Variants in CYCS observed in about 807,000 individuals in gnomAD.
CYCS encodes cytochrome c.
For synonymous variants in CYCS, 41 were observed against 43.0 expected (o/e 0.95, Z 0.18); for missense variants, 87 against 125.3 (o/e 0.69, Z 1.46).
At chr7:25,123,923 G>T in intron 2 of CYCS, 28 bp downstream of exon 2, 1 of 1,614,060 alleles carries the variant, frequency 6.2e-7, no homozygotes, top group Non-Finnish European at 8.5e-7. Flanking sequence ...TGCATTTTGT[G>T]TTGTTTTATT....
In CYCS at chr7:25,121,990, T is replaced by C. The variant is rs1009902400; in HGVS notation, c.*1711A>G. The C allele has an allele frequency of 4.6e-4, 52 of 112,600 alleles. No homozygotes were observed. Among genetic ancestry groups the C allele is most frequent in the African/African-American group, 2.2e-3 (51 of 22,692 alleles). 7.0% of individuals were successfully genotyped at this position (112,600 alleles called of 1,614,324 possible). On this transcript the variant is annotated 3_prime_UTR_variant, in exon 3 of 3. Coordinates refer to ENST00000305786, the MANE Select transcript of CYCS (RefSeq NM_018947.6). ...GGTTGAACACATTTCTGTATCTATC[T>C]TAATATGTTTCCTGTATCATTTCCA...
rs1017669707 is a variant in CYCS at position 25,122,902 on chromosome 7, G to A, written c.*799C>T. 13 of 152,136 alleles carry A rather than the reference G, an allele frequency of 8.5e-5. No homozygotes were observed. The highest frequency in any genetic ancestry group is 2.2e-4 in the African/African-American group (9 of 41,430). The allele number at this position is 152,136 out of a possible 1,614,324, so 9.4% of individuals were successfully genotyped here. A position where few individuals can be genotyped will look rare whatever the true frequency, so the allele number is the denominator to read the frequency against. ...AATTTTAAAATTTGTGTATATCTCCGTTACTTTAATCCTTTTAAGTTGGCA... is the reference window on the plus strand; with the variant it reads ...AATTTTAAAATTTGTGTATATCTCCATTACTTTAATCCTTTTAAGTTGGCA... On this transcript the variant is annotated 3_prime_UTR_variant, in exon 3 of 3. Coordinates refer to ENST00000305786, the MANE Select transcript of CYCS (RefSeq NM_018947.6).
In CYCS at chr7:25,123,353, A is replaced by T; in HGVS notation, c.*348T>A. On this transcript the variant is annotated 3_prime_UTR_variant, in exon 3 of 3. Coordinates refer to ENST00000305786, the MANE Select transcript of CYCS (RefSeq NM_018947.6). ...TTCCCCAGTATTTAAATATATTCAC[A>T]TAACCAGTTATATAAATCTAAATAT... The T allele has an allele frequency of 3.1e-6, 1 of 320,218 alleles. No individual in the cohort carries two copies. The highest frequency in any genetic ancestry group is 6.0e-6 in the Non-Finnish European group (1 of 165,800). 19.8% of individuals were successfully genotyped at this position (320,218 alleles called of 1,614,324 possible).
At position 25,124,073 on chromosome 7, in the gene CYCS, G is replaced by A. The variant is rs1783404449; in HGVS notation, c.47C>T (p.Ser16Phe). Residue 16 changes from serine (S) to phenylalanine (F), a missense_variant, in exon 2 of 3, where the codon TCC becomes TTC. By Grantham distance (155) the Ser-to-Phe change is radical (BLOSUM62 -2). Transcript: ENST00000305786. The stretch of plus-strand genomic sequence containing the variant: ...TCCCTTTTCAACGGTGTGGCACTGG[G>A]AACACTTCATAATAAAAATCTTCTT... ...KGKKIFIMKC[S>F]QCHTVEKGGK... The A allele has an allele frequency of 1.2e-6, 2 of 1,613,658 alleles. No individual in the cohort carries two copies. The highest frequency in any genetic ancestry group is 2.7e-5 in the African/African-American group (2 of 74,844).
rs1783323041 is a variant in CYCS at position 25,119,355 on chromosome 7, C to T, written c.*4346G>A. On this transcript the variant is annotated 3_prime_UTR_variant, in exon 3 of 3. Transcript: ENST00000305786. ...GCGATGGGGCGGTCTTGGCTCACTG[C>T]AACCCCCATCTCCCAGGTTCAAGCG... Among the ~76,000 whole-genome samples the T allele has an allele frequency of 6.7e-6, 1 of 149,554 alleles. No individual in the cohort carries two copies. Among genetic ancestry groups the T allele is most frequent in the Non-Finnish European group, 1.5e-5 (1 of 67,384 alleles).
intron 1 of CYCS, chr7:25,124,853 G>A (rs1288954521): frequency 6.6e-6 from 1 of 152,610 alleles, no homozygotes; most frequent in East Asian, 1.9e-4. Flanking sequence ...CTCTGAAGAA[G>A]AACGTGAAGC....
Position 25,124,058 on chromosome 7 carries a change from A to G in CYCS, c.62T>C (p.Val21Ala). ...AGTCTTGTGCTTGCCTCCCTTTTCA[A>G]CGGTGTGGCACTGGGAACACTTCAT... ...FIMKCSQCHT[V>A]EKGGKHKTGP... is the part of the protein sequence containing the mutation. Residue 21 changes from valine (V) to alanine (A), a missense_variant, in exon 2 of 3, where the codon GTT becomes GCT. Physicochemically the swap from Val to Ala is moderately conservative, Grantham distance 64. Transcript: ENST00000305786. 9 of 1,613,832 alleles carry G rather than the reference A, an allele frequency of 5.6e-6. No homozygotes were observed. The highest frequency in any genetic ancestry group is 7.6e-6 in the Non-Finnish European group (9 of 1,179,918).
chr7:25,123,890 T>G, intron 2 of CYCS, 41 bp from the exon 3 acceptor site: 2 of 1,614,200 alleles, frequency 1.2e-6, no homozygotes, highest in South Asian at 1.1e-5. Context: ...ACACTCCTGA[T>G]AGTTTGCCAC....
Position 25,119,334 on chromosome 7 carries a change from T to TG in CYCS, c.*4366dup, listed in dbSNP as rs1783322806. Among the ~76,000 whole-genome samples, 1 of 152,164 alleles carries TG rather than the reference T, an allele frequency of 6.6e-6. No individual in the cohort carries two copies. Among genetic ancestry groups the TG allele is most frequent in the Admixed American group, 6.6e-5 (1 of 15,266 alleles). ...TATTGTTGCCCAGGCTGGAGTGCGA[T>TG]GGGGCGGTCTTGGCTCACTGCAACC... On this transcript the variant is annotated 3_prime_UTR_variant, in exon 3 of 3. Transcript: ENST00000305786.
Position 25,123,793 on chromosome 7 carries a change from T to C in CYCS, c.226A>G (p.Ile76Val), listed in dbSNP as rs758411701. The change falls in exon 3 of 3, where the codon ATC becomes GTC. Residue 76 changes from isoleucine to valine, a missense_variant. Physicochemically the swap from Ile to Val is conservative, Grantham distance 29. Transcript: ENST00000305786. ...ACAAAGATCATTTTTGTTCCAGGGATGTACTTCTTGGGATTCTCCAAATAC... is the reference window on the plus strand; with the variant it reads ...ACAAAGATCATTTTTGTTCCAGGGACGTACTTCTTGGGATTCTCCAAATAC... Reference protein sequence around the residue: ...MEYLENPKKYIPGTKMIFVGI... With the variant: ...MEYLENPKKYVPGTKMIFVGI... The C allele has an allele frequency of 1.2e-6, 2 of 1,613,258 alleles. No homozygotes were observed. Among genetic ancestry groups the C allele is most frequent in the African/African-American group, 2.7e-5 (2 of 74,952 alleles).
intron 1 of CYCS, 52 bp from the exon 2 acceptor site, chr7:25,124,179 G>A: frequency 6.9e-7 from 1 of 1,442,606 alleles, no homozygotes; most frequent in South Asian, 1.1e-5. Flanking sequence ...AACAAATACA[G>A]TGTAAATGAA....
rs1484658419 is a variant in CYCS, at chr7:25,120,962, T to TA, written c.*2738dup. 2.0e-5 allele frequency: 3 copies of TA among 151,970 alleles called. No individual in the cohort carries two copies. Among genetic ancestry groups the TA allele is most frequent in the Non-Finnish European group, 2.9e-5 (2 of 67,996 alleles). 9.4% of individuals were successfully genotyped at this position (151,970 alleles called of 1,614,324 possible). A position where few individuals can be genotyped will look rare whatever the true frequency, so the allele number is the denominator to read the frequency against. The stretch of plus-strand genomic sequence containing the variant: ...CAGCATGGAGAAACCCTGTCTCTAC[T>TA]AAAAACACAAAATAAGCTGGGCATG... On this transcript the variant is annotated 3_prime_UTR_variant, in exon 3 of 3. Transcript: ENST00000305786.
In CYCS at chr7:25,120,970, CAAAAT is replaced by C. The variant is rs1204160231; in HGVS notation, c.*2726_*2730del. 2 of 152,038 alleles carry C rather than the reference CAAAAT, an allele frequency of 1.3e-5. No individual in the cohort carries two copies. The highest frequency in any genetic ancestry group is 1.3e-4 in the Admixed American group (2 of 15,254). 9.4% of individuals were successfully genotyped at this position (152,038 alleles called of 1,614,324 possible). A position where few individuals can be genotyped will look rare whatever the true frequency, so the allele number is the denominator to read the frequency against. On this transcript the variant is annotated 3_prime_UTR_variant, in exon 3 of 3. Transcript: ENST00000305786. ...AGAAACCCTGTCTCTACTAAAAACACAAAATAAGCTGGGCATGGTGGCGCATGCTT... is the reference window on the plus strand; with the variant it reads ...AGAAACCCTGTCTCTACTAAAAACACAAGCTGGGCATGGTGGCGCATGCTT...
rs1783352938 is a variant in CYCS at position 25,120,939 on chromosome 7, GCA to G, written c.*2760_*2761del. Reference sequence around the variant, plus strand: ...CGGGAGTTCAAGACCAGCCTGTCCAGCATGGAGAAACCCTGTCTCTACTAAAA... The same window carrying G: ...CGGGAGTTCAAGACCAGCCTGTCCAGTGGAGAAACCCTGTCTCTACTAAAA... On this transcript the variant is annotated 3_prime_UTR_variant, in exon 3 of 3. Coordinates refer to ENST00000305786, the MANE Select transcript of CYCS (RefSeq NM_018947.6). The G allele has an allele frequency of 2.6e-5, 4 of 151,866 alleles. No individual in the cohort carries two copies. Among genetic ancestry groups the G allele is most frequent in the African/African-American group, 9.7e-5 (4 of 41,414 alleles). The allele number at this position is 151,866 out of a possible 1,614,324, so 9.4% of individuals were successfully genotyped here.
Position 25,122,949 on chromosome 7 carries a change from TAC to T in CYCS, c.*750_*751del, listed in dbSNP as rs1455277281. On this transcript the variant is annotated 3_prime_UTR_variant, in exon 3 of 3. Coordinates refer to ENST00000305786, the MANE Select transcript of CYCS (RefSeq NM_018947.6). ...GGCAAAAGCACCATTCCCAATCAAATACACAGTTCTACAGTTTTGTTTCTGAA... is the reference window on the plus strand; with the variant it reads ...GGCAAAAGCACCATTCCCAATCAAATACAGTTCTACAGTTTTGTTTCTGAA... 1 of 152,256 alleles carries T rather than the reference TAC, an allele frequency of 6.6e-6. No homozygotes were observed. Among genetic ancestry groups the T allele is most frequent in the Non-Finnish European group, 1.5e-5 (1 of 68,048 alleles). The allele number at this position is 152,256 out of a possible 1,614,324, so 9.4% of individuals were successfully genotyped here.
rs1178363292 is a variant in CYCS at position 25,119,456 on chromosome 7, G to C, written c.*4245C>G. On this transcript the variant is annotated 3_prime_UTR_variant, in exon 3 of 3. Transcript: ENST00000305786. ...ACGCCCAGCTAGTTTTTATATTTTTGGTAGAGATGGGGTTTCACCATGTTG... is the reference window on the plus strand; with the variant it reads ...ACGCCCAGCTAGTTTTTATATTTTTCGTAGAGATGGGGTTTCACCATGTTG... Among the ~76,000 whole-genome samples the C allele has an allele frequency of 6.6e-6, 1 of 151,916 alleles. No homozygotes were observed. The highest frequency in any genetic ancestry group is 1.5e-5 in the Non-Finnish European group (1 of 67,964).
intron 1 of CYCS, among the ~76,000 whole-genome samples, chr7:25,124,496 G>A (rs1035517403): frequency 6.6e-6 from 1 of 152,180 alleles, no homozygotes; most frequent in Non-Finnish European, 1.5e-5. Context: ...CTTTTAAAAA[G>A]ACCTAACCAT....
rs11548812 is a variant in CYCS at position 25,124,000 on chromosome 7, C to T, written c.120G>A (p.Lys40=). 9.9e-6 allele frequency: 16 copies of T among 1,614,176 alleles called. No individual in the cohort carries two copies. In the South Asian group the frequency reaches 1.6e-4, roughly 17 times the overall value. ...AAGAGTATCCAGGGGCCTGACCTGT[C>T]TTCCGCCCAAAGAGACCATGGAGAT... ...GPNLHGLFGR[K]TGQAPGYSYT... is the part of the protein sequence containing the mutation. The change falls in exon 2 of 3, where the codon AAG becomes AAA. Residue 40 remains lysine, a synonymous_variant. Coordinates refer to ENST00000305786, the MANE Select transcript of CYCS (RefSeq NM_018947.6).
Position 25,121,068 on chromosome 7 carries a change from G to A in CYCS, c.*2633C>T, listed in dbSNP as rs892434058. On this transcript the variant is annotated 3_prime_UTR_variant, in exon 3 of 3. Transcript: ENST00000305786. ...GAACCTGGAAGGCGGAGGTTGCGGTGAGCAGCGATCACGCCATTGCACTCC... is the reference window on the plus strand; with the variant it reads ...GAACCTGGAAGGCGGAGGTTGCGGTAAGCAGCGATCACGCCATTGCACTCC... 6.6e-6 allele frequency: 1 copy of A among 152,216 alleles called. No individual in the cohort carries two copies. Among genetic ancestry groups the A allele is most frequent in the South Asian group, 2.1e-4 (1 of 4,830 alleles). The allele number at this position is 152,216 out of a possible 1,614,324, so 9.4% of individuals were successfully genotyped here.
Sources: gnomAD v4.1 joint callset for allele counts (sites outside exome capture counted in the v4.1 genomes callset) on GRCh38, gnomAD v4.1.1 for gene constraint, MANE v1.5 for transcripts, NCBI Gene and HGNC (gene_info 2026-07-23, HGNC 2026-07-21) for gene names.